Variants in PPP1R12A observed in about 807,000 individuals in gnomAD.
PPP1R12A encodes myosin binding subunit.
In PPP1R12A, 19 loss-of-function variants were observed where a neutral mutation model predicts 139.6. The ratio of observed to expected loss-of-function variants is 0.14; its 90% CI spans 0.09 to 0.20. PPP1R12A has a LOEUF of 0.20. Ranked by LOEUF, PPP1R12A falls within the 10% of genes least tolerant of loss-of-function variation. The pLI is 1.00. For synonymous variants in PPP1R12A, 427 were observed against 420.6 expected (o/e 1.02, Z -0.19); for missense variants, 925 against 1,211.5 (o/e 0.76, Z 3.51).
chr12:79,884,764 A>T (rs1286658136), intron 1 of PPP1R12A, among the ~76,000 whole-genome samples: 1 of 152,182 alleles, frequency 6.6e-6, no homozygotes, highest in African/African-American at 2.4e-5. Context: ...CCAATAATAA[A>T]TGGCTGTGTG....
At chr12:79,794,728 C>T (rs1207361070) in intron 18 of PPP1R12A, among the ~76,000 whole-genome samples, 2 of 150,006 alleles carry the variant, frequency 1.3e-5, no homozygotes, top group Non-Finnish European at 3.0e-5. Flanking sequence ...GTCAGTTTAA[C>T]AGGAAGACAG....
At chr12:79,863,759 T>C (rs1458730908) in intron 2 of PPP1R12A, among the ~76,000 whole-genome samples, 5 of 148,432 alleles carry the variant, frequency 3.4e-5, no homozygotes, top group African/African-American at 1.3e-4. Context: ...TACATAATGG[T>C]AAAGGGATCA....
In PPP1R12A at chr12:79,797,209, T is replaced by C; in HGVS notation, c.2278A>G (p.Arg760Gly). The change falls in exon 16 of 25, where the codon AGA (arginine) becomes GGA (glycine). Residue 760 changes from arginine (R) to glycine (G), a missense_variant. Around this residue, in one of 4 missense-constraint regions of PPP1R12A, gnomAD observed 315 missense variants for 363.4 expected, o/e 0.87. Coordinates refer to ENST00000450142, the MANE Select transcript of PPP1R12A (RefSeq NM_002480.3). The part of the protein sequence containing the change: ...REDEYKQKYS[R>G]TYDETYQRYR... ...TATACTGTTACCTCATCATACGTTC[T>C]GGAGTACTTTTGTTTATATTCATCT... 1.3e-6 allele frequency: 2 copies of C among 1,586,406 alleles called. No individual in the cohort carries two copies. Among genetic ancestry groups the C allele is most frequent in the Non-Finnish European group, 1.7e-6 (2 of 1,166,520 alleles).
chr12:79,935,288 G>A, upstream of PPP1R12A: 1 of 1,064,052 alleles, frequency 9.4e-7, no homozygotes, highest in Non-Finnish European at 1.1e-6. Context: ...CGCGAACTGC[G>A]GCGGTGGTGG....
At chr12:79,829,377 C>T (rs988068220) in intron 4 of PPP1R12A, among the ~76,000 whole-genome samples, 1 of 151,964 alleles carries the variant, frequency 6.6e-6, no homozygotes, top group African/African-American at 2.4e-5. Flanking sequence ...ATGTATAATC[C>T]CCCTTTATTT....
Position 79,788,660 on chromosome 12 carries a change from A to G in PPP1R12A, c.2790T>C (p.Thr930=). The G allele has an allele frequency of 1.2e-6, 2 of 1,611,262 alleles. No homozygotes were observed. Among genetic ancestry groups the G allele is most frequent in the Non-Finnish European group, 1.7e-6 (2 of 1,178,662 alleles). The part of the protein sequence containing the change: ...YSSRLEKDDS[T]DFKKLYEQIL... ...ATAACCCAAGTACCTTTTTAAAGTC[A>G]GTTGAGTCATCCTTTTCTAGCCTGC... is the stretch of plus-strand genomic sequence containing the variant. Residue 930 remains threonine, a synonymous_variant, in exon 21 of 25, where the codon ACT becomes ACC. Coordinates refer to ENST00000450142, the MANE Select transcript of PPP1R12A (RefSeq NM_002480.3).
chr12:79,817,580 A>T (rs1875564953), intron 8 of PPP1R12A, 62 bp from the exon 9 acceptor site: 2 of 1,431,184 alleles, frequency 1.4e-6, no homozygotes, highest in Non-Finnish European at 1.9e-6. Flanking sequence ...ATGGCTGGGA[A>T]AAAATCATTT....
Position 79,806,272 on chromosome 12 carries a change from T to C in PPP1R12A, c.1717A>G (p.Thr573Ala). 1.2e-6 allele frequency: 2 copies of C among 1,613,958 alleles called. No homozygotes were observed. Among genetic ancestry groups the C allele is most frequent in the Admixed American group, 1.7e-5 (1 of 60,022 alleles). The change falls in exon 13 of 25, where the codon ACA becomes GCA. Residue 573 changes from threonine to alanine, a missense_variant. By Grantham distance (58) the Thr-to-Ala change is moderately conservative. This residue lies in a region of PPP1R12A where 403 missense variants were observed against 463.7 expected (regional missense o/e 0.87). Coordinates refer to ENST00000450142, the MANE Select transcript of PPP1R12A (RefSeq NM_002480.3). The part of the protein sequence containing the change: ...ISSSVPSTTS[T>A]PTVTSAAGLQ... Reference sequence around the variant, plus strand: ...CCAGCTGCAGAGGTAACTGTTGGTGTTGATGTGGTGCTTGGAACACTAGAA... The same window carrying C: ...CCAGCTGCAGAGGTAACTGTTGGTGCTGATGTGGTGCTTGGAACACTAGAA...
At chr12:79,843,708 CA>C (rs1380686432) in intron 3 of PPP1R12A, among the ~76,000 whole-genome samples, 2 of 150,312 alleles carry the variant, frequency 1.3e-5, no homozygotes, top group East Asian at 1.9e-4. Context: ...GTTGCTGGAT[CA>C]TTTTTTTTTT....
At chr12:79,831,634 A>G (rs1877443467) in intron 4 of PPP1R12A, among the ~76,000 whole-genome samples, 1 of 152,204 alleles carries the variant, frequency 6.6e-6, no homozygotes, top group African/African-American at 2.4e-5. Context: ...ATATTAATAA[A>G]AGGTGCAGTA....
intron 1 of PPP1R12A, among the ~76,000 whole-genome samples, chr12:79,920,001 T>C (rs1275002003): frequency 6.6e-6 from 1 of 152,220 alleles, no homozygotes; most frequent in African/African-American, 2.4e-5. Context: ...TAAAAAGTTG[T>C]ACCCATTAGC....
In PPP1R12A at chr12:79,820,817, A is replaced by G; in HGVS notation, c.1071T>C (p.Ser357=). ...CCGAGTCATCTTCCTCATCTTCTTC[A>G]CTAGAGCAGCTAGACTCATCCTTCT... ...EGKKDESSCS[S]EEDEEDDSES... The change falls in exon 8 of 25, where the codon AGT becomes AGC. Residue 357 remains serine, a synonymous_variant. Transcript: ENST00000450142. The G allele has an allele frequency of 6.2e-7, 1 of 1,613,516 alleles. No homozygotes were observed. The highest frequency in any genetic ancestry group is 8.5e-7 in the Non-Finnish European group (1 of 1,179,780).
chr12:79,854,657 A>G (rs963680331), intron 2 of PPP1R12A, among the ~76,000 whole-genome samples: 3 of 151,880 alleles, frequency 2.0e-5, no homozygotes, highest in African/African-American at 7.3e-5. Flanking sequence ...TTCATCTATA[A>G]TTTTTATTTT....
chr12:79,851,194 C>G (rs1034643086), intron 2 of PPP1R12A, among the ~76,000 whole-genome samples: 6 of 152,136 alleles, frequency 3.9e-5, no homozygotes, highest in Non-Finnish European at 8.8e-5. Flanking sequence ...ATTAAACTAT[C>G]TGAACTATTC....
chr12:79,933,397 TA>T (rs1399301490), intron 1 of PPP1R12A, among the ~76,000 whole-genome samples: 4 of 152,180 alleles, frequency 2.6e-5, no homozygotes, highest in Non-Finnish European at 4.4e-5. Flanking sequence ...ACCTTTTTTT[TA>T]AAAGGCATCA....
Position 79,915,835 on chromosome 12 carries a change from T to C in PPP1R12A, c.237+18860A>G, listed in dbSNP as rs74320273. 2.3e-4 allele frequency among the ~76,000 whole-genome samples: 35 copies of C among 152,220 alleles called. 1 individual carries two copies. In the East Asian group the frequency reaches 6.8e-3, roughly 29 times the overall value. On this transcript the variant is annotated intron_variant, in intron 1 of 24. Transcript: ENST00000450142. ...CAGCAGGCTGACATGTATACAGTAG[T>C]TCACCCAGCTATTAGTGAGCCTAAT...
chr12:79,782,769 A>C (rs1033866599), intron 22 of PPP1R12A, among the ~76,000 whole-genome samples: 2 of 152,240 alleles, frequency 1.3e-5, no homozygotes, highest in Non-Finnish European at 2.9e-5. Context: ...CTGAATAACC[A>C]ATTTTACTAA....
At chr12:79,809,163 T>C (rs1365006384) in intron 10 of PPP1R12A, among the ~76,000 whole-genome samples, 2 of 152,090 alleles carry the variant, frequency 1.3e-5, no homozygotes, top group Non-Finnish European at 2.9e-5. Flanking sequence ...TTAGAATTAC[T>C]TGATGAGAAA....
intron 1 of PPP1R12A, among the ~76,000 whole-genome samples, chr12:79,896,703 G>A (rs1281940420): frequency 6.6e-6 from 1 of 152,164 alleles, no homozygotes; most frequent in African/African-American, 2.4e-5. Context: ...CCATCTCACT[G>A]TGAATTGGCC....
Sources: gnomAD v4.1 joint callset for allele counts (sites outside exome capture counted in the v4.1 genomes callset) on GRCh38, gnomAD v4.1.1 for gene constraint, gnomAD v4.1.1 regional missense constraint, MANE v1.5 for transcripts, NCBI Gene and HGNC (gene_info 2026-07-23, HGNC 2026-07-21) for gene names.